The following ZNF461 variants were observed in gnomAD, a reference collection of about 807,000 sequenced individuals.
The protein encoded by ZNF461 is gonadotropin-inducible ovarian transcription factor-1.
ZNF461 carries 16 observed loss-of-function variants against 18.3 expected under a neutral mutation model. The observed-to-expected ratio is 0.88, with a 90% CI of 0.59 to 1.33. The LOEUF is 1.33. ZNF461 is among the 40% of genes most tolerant of loss of function. ZNF461 has a pLI of 0.00. For missense variants in ZNF461, 595 were observed against 669.9 expected (o/e 0.89, Z 1.23); for synonymous variants, 179 against 216.9 (o/e 0.83, Z 1.54).
chr19:36,647,741 C>T (rs1413744674), intron 4 of ZNF461, among the ~76,000 whole-genome samples: 1 of 152,120 alleles, frequency 6.6e-6, no homozygotes, highest in Non-Finnish European at 1.5e-5. Flanking sequence ...CTCTAAATCT[C>T]ATGTGGAATT....
intron 4 of ZNF461, among the ~76,000 whole-genome samples, chr19:36,646,409 G>A (rs1471847141): frequency 6.6e-6 from 1 of 152,180 alleles, no homozygotes; most frequent in Non-Finnish European, 1.5e-5. Flanking sequence ...TAGGATTAGA[G>A]GTATGAGCTG....
intron 2 of ZNF461, 90 bp downstream of exon 2, chr19:36,664,608 C>T: frequency 1.0e-6 from 1 of 979,840 alleles, no homozygotes; most frequent in Non-Finnish European, 1.4e-6. Context: ...AAAAAAAAAG[C>T]AAATAGTCAC....
At position 36,639,764 on chromosome 19, in the gene ZNF461, C is replaced by T. The variant is rs2037386772; in HGVS notation, c.581G>A (p.Cys194Tyr). Residue 194 changes from cysteine (C) to tyrosine (Y), a missense_variant, in exon 6 of 6, where the codon TGT becomes TAT. Coordinates refer to ENST00000588268, the MANE Select transcript of ZNF461 (RefSeq NM_153257.5). The part of the protein sequence containing the change: ...EFYDREKISE[C>Y]KKCRKIFSYH... ...ACTGAAGATTTTTCTACACTTTTTA[C>T]ATTCAGAGATTTTCTCTCTATCATA... 1.9e-6 allele frequency: 3 copies of T among 1,613,346 alleles called. No homozygotes were observed. The highest frequency in any genetic ancestry group is 8.5e-7 in the Non-Finnish European group (1 of 1,179,662).
At chr19:36,659,803 T>C (rs1017193681) in intron 2 of ZNF461, among the ~76,000 whole-genome samples, 3 of 152,216 alleles carry the variant, frequency 2.0e-5, no homozygotes, top group Admixed American at 1.3e-4. Context: ...GTCTAACATA[T>C]GCTGTTCAAT....
chr19:36,640,340 T>C (rs964078500), intron 5 of ZNF461, among the ~76,000 whole-genome samples: 16 of 152,100 alleles, frequency 1.1e-4, no homozygotes, highest in South Asian at 8.3e-4. Flanking sequence ...TCTAAGAGAG[T>C]TGGTCTTAGA....
At chr19:36,656,636 T>C (rs2037725729) in intron 3 of ZNF461, 93 bp from the exon 4 acceptor site, 1 of 998,980 alleles carries the variant, frequency 1.0e-6, no homozygotes, top group South Asian at 1.6e-5. Context: ...AAATCACAGA[T>C]AAAAATGGTA....
At chr19:36,644,428 C>A (rs1379466804) in intron 4 of ZNF461, among the ~76,000 whole-genome samples, 4 of 151,432 alleles carry the variant, frequency 2.6e-5, no homozygotes, top group Non-Finnish European at 5.9e-5. Context: ...ACCACCGCAT[C>A]TGGCTAATTT....
chr19:36,637,682 C>CA lies in ZNF461; in HGVS notation c.*970dup, dbSNP rs377169661. 0.039 allele frequency: 8,131 copies of CA among 207,422 alleles called. 4 individuals are homozygous for CA. The highest frequency in any genetic ancestry group is 0.08 in the Middle Eastern group (47 of 584). 12.8% of individuals were successfully genotyped at this position (207,422 alleles called of 1,614,324 possible). On this transcript the variant is annotated 3_prime_UTR_variant, in exon 6 of 6. Coordinates refer to ENST00000588268, the MANE Select transcript of ZNF461 (RefSeq NM_153257.5). Reference sequence around the variant, plus strand: ...ACTGGACTCCAGCCTGGGTGTGTCTCAAAAAAAAAAAAAATGAAGTAGGCC... The same window carrying CA: ...ACTGGACTCCAGCCTGGGTGTGTCTCAAAAAAAAAAAAAAATGAAGTAGGCC...
rs148888466 is a variant in ZNF461, at chr19:36,640,086, T to C, written c.302-43A>G. The C allele has an allele frequency of 2.1e-4, 304 of 1,477,094 alleles. No individual in the cohort carries two copies. The African/African-American group carries it at 3.7e-3, about 18-fold the overall frequency. The allele number at this position is 1,477,094 out of a possible 1,614,324, so 91.5% of individuals were successfully genotyped here. On this transcript the variant is annotated intron_variant, in intron 5 of 5. Transcript: ENST00000588268. ...TATTTTAACTCCTGGTTTTGTACTATAAGAGAAATAAAATATCTATGGTAG... is the reference window on the plus strand; with the variant it reads ...TATTTTAACTCCTGGTTTTGTACTACAAGAGAAATAAAATATCTATGGTAG...
At chr19:36,655,749 C>T (rs1705127877) in intron 4 of ZNF461, among the ~76,000 whole-genome samples, 1 of 152,154 alleles carries the variant, frequency 6.6e-6, no homozygotes, top group African/African-American at 2.4e-5. Flanking sequence ...TTGCCAAATC[C>T]AATGTCATGA....
intron 2 of ZNF461, among the ~76,000 whole-genome samples, chr19:36,664,333 A>G (rs1028308201): frequency 6.6e-6 from 1 of 152,210 alleles, no homozygotes; most frequent in African/African-American, 2.4e-5. Context: ...CATGCCTGTA[A>G]TCCCAGCACT....
intron 4 of ZNF461, among the ~76,000 whole-genome samples, chr19:36,652,731 C>CG (rs2037651389): frequency 6.6e-6 from 1 of 152,040 alleles, no homozygotes; most frequent in Non-Finnish European, 1.5e-5. Flanking sequence ...CAGGGCAACC[C>CG]GCTGGGGTCC....
At chr19:36,641,503 G>GT (rs2037422156) in intron 5 of ZNF461, among the ~76,000 whole-genome samples, 1 of 151,156 alleles carries the variant, frequency 6.6e-6, no homozygotes, top group African/African-American at 2.4e-5. Context: ...GGGCAACAGA[G>GT]TAAGACTGTC....
intron 4 of ZNF461, among the ~76,000 whole-genome samples, chr19:36,649,235 A>G (rs182226733): frequency 2.6e-5 from 4 of 152,362 alleles, no homozygotes; most frequent in Non-Finnish European, 5.9e-5. Flanking sequence ...GATGAAGCAC[A>G]TGTTGGAATT....
At chr19:36,640,269 C>T (rs2037401646) in intron 5 of ZNF461, among the ~76,000 whole-genome samples, 1 of 152,096 alleles carries the variant, frequency 6.6e-6, no homozygotes, top group Non-Finnish European at 1.5e-5. Flanking sequence ...CTCTGAATTA[C>T]CTTGAGAGTT....
chr19:36,639,435 TACATTC>T lies in ZNF461; in HGVS notation c.904_909del (p.Glu302_Cys303del). 6.2e-7 allele frequency: 1 copy of T among 1,613,936 alleles called. No individual in the cohort carries two copies. Among genetic ancestry groups the T allele is most frequent in the Non-Finnish European group, 8.5e-7 (1 of 1,179,960 alleles). ...TGTCTAAAGGCCTTCCCACATTCTT[TACATTC>T]ATAAGGTTTCTCACCAGTGTGAATT... On this transcript the variant is annotated inframe_deletion, in exon 6 of 6. Transcript: ENST00000588268.
intron 4 of ZNF461, among the ~76,000 whole-genome samples, chr19:36,653,626 G>C (rs964511140): frequency 6.6e-6 from 1 of 152,124 alleles, no homozygotes; most frequent in East Asian, 1.9e-4. Context: ...AGAGCCAAGC[G>C]AAAGGGGAAA....
chr19:36,654,263 C>G (rs1462448103), intron 4 of ZNF461, among the ~76,000 whole-genome samples: 3 of 152,094 alleles, frequency 2.0e-5, no homozygotes, highest in Non-Finnish European at 2.9e-5. Context: ...TACCATTTTT[C>G]CATGATTCCT....
intron 5 of ZNF461, 122 bp downstream of exon 5, chr19:36,643,672 T>G: frequency 3.4e-6 from 3 of 888,658 alleles, no homozygotes; most frequent in Non-Finnish European, 4.6e-6. Flanking sequence ...GATTATGTAT[T>G]TCTGTGTGTT....
Sources: gnomAD v4.1 joint callset for allele counts (sites outside exome capture counted in the v4.1 genomes callset) on GRCh38, gnomAD v4.1.1 for gene constraint, MANE v1.5 for transcripts, NCBI Gene and HGNC (gene_info 2026-07-23, HGNC 2026-07-21) for gene names.